Variants in ATF7IP2 observed in about 807,000 individuals in gnomAD.
The protein encoded by ATF7IP2 is activating transcription factor 7 interacting protein 2.
In ATF7IP2, 42 loss-of-function variants were observed where a neutral mutation model predicts 64.2. The ratio of observed to expected loss-of-function variants is 0.65; its 90% CI spans 0.51 to 0.85. The LOEUF is 0.85. ATF7IP2 is among the 40% of genes least tolerant of loss of function. The pLI is 0.00. For synonymous variants in ATF7IP2, 308 were observed against 272.8 expected (o/e 1.13, Z -1.27); for missense variants, 933 against 784.2 (o/e 1.19, Z -2.27).
chr16:10,466,491 A>G (rs1304773459), intron 9 of ATF7IP2, among the ~76,000 whole-genome samples: 1 of 152,068 alleles, frequency 6.6e-6, no homozygotes, highest in Non-Finnish European at 1.5e-5. Context: ...CTCCCACTAT[A>G]AGTACATGAG....
chr16:10,451,787 ACTGG>A (rs2048993355), intron 8 of ATF7IP2, among the ~76,000 whole-genome samples: 1 of 151,888 alleles, frequency 6.6e-6, no homozygotes, highest in East Asian at 1.9e-4. Context: ...GGCTGGGTAC[ACTGG>A]CTCACACCTG....
intron 8 of ATF7IP2, chr16:10,449,643 G>C (rs2048921221): frequency 6.6e-6 from 1 of 152,202 alleles, no homozygotes; most frequent in South Asian, 2.1e-4. Flanking sequence ...TGTGGGATCA[G>C]TGGTGATATC....
At chr16:10,455,033 G>A (rs1360973194) in intron 8 of ATF7IP2, among the ~76,000 whole-genome samples, 2 of 152,246 alleles carry the variant, frequency 1.3e-5, no homozygotes, top group South Asian at 4.2e-4. Context: ...GTAATGTTCT[G>A]TAAATGTCAT....
At chr16:10,440,676 G>A (rs1033038499) in intron 8 of ATF7IP2, among the ~76,000 whole-genome samples, 1 of 152,194 alleles carries the variant, frequency 6.6e-6, no homozygotes, top group African/African-American at 2.4e-5. Context: ...AAAGAGGATT[G>A]GTGATTGCCA....
chr16:10,453,002 G>A (rs1287645926), intron 8 of ATF7IP2, among the ~76,000 whole-genome samples: 1 of 152,150 alleles, frequency 6.6e-6, no homozygotes, highest in African/African-American at 2.4e-5. Context: ...CAAGCCAGTG[G>A]ATCTTAGCTA....
intron 1 of ATF7IP2, among the ~76,000 whole-genome samples, chr16:10,408,615 T>C (rs532777006): frequency 2.0e-5 from 3 of 152,244 alleles, no homozygotes; most frequent in Non-Finnish European, 4.4e-5. Flanking sequence ...TTCATATGTT[T>C]GTTGGCCATT....
chr16:10,467,167 G>A (rs945290925), intron 9 of ATF7IP2, among the ~76,000 whole-genome samples: 1 of 152,114 alleles, frequency 6.6e-6, no homozygotes. Context: ...CTAAGACATA[G>A]CCTACCATGG....
At chr16:10,409,653 C>G (rs1305844703) in intron 1 of ATF7IP2, among the ~76,000 whole-genome samples, 1 of 152,192 alleles carries the variant, frequency 6.6e-6, no homozygotes, top group Non-Finnish European at 1.5e-5. Context: ...TCTCGATCTC[C>G]TGACCTCATG....
At chr16:10,442,969 A>T (rs574051784) in intron 8 of ATF7IP2, among the ~76,000 whole-genome samples, 1 of 152,192 alleles carries the variant, frequency 6.6e-6, no homozygotes. Context: ...TGGGACTCCA[A>T]TGGCATCTAT....
chr16:10,475,722 G>GAAAAAAAAAAAAAAAAAAAAAAAGAA (rs386384218), intron 12 of ATF7IP2, among the ~76,000 whole-genome samples: 1 of 41,644 alleles, frequency 2.4e-5, no homozygotes, highest in East Asian at 8.0e-4. Flanking sequence ...TAAGAAGCCA[G>GAAAAAAAAAAAAAAAAAAAAAAAGAA]AAAAAAAAAA....
intron 8 of ATF7IP2, among the ~76,000 whole-genome samples, chr16:10,443,787 C>T (rs1214042474): frequency 6.6e-6 from 1 of 152,074 alleles, no homozygotes; most frequent in Non-Finnish European, 1.5e-5. Flanking sequence ...ACCATAGAGA[C>T]AGCCTAAGGT....
chr16:10,477,121 A>T (rs1219571336), intron 12 of ATF7IP2, among the ~76,000 whole-genome samples: 1 of 152,246 alleles, frequency 6.6e-6, no homozygotes, highest in Non-Finnish European at 1.5e-5. Flanking sequence ...AAGAGCCTGT[A>T]TACAGCAGAA....
chr16:10,440,160 C>CA (rs954063207), intron 7 of ATF7IP2, among the ~76,000 whole-genome samples: 1 of 150,798 alleles, frequency 6.6e-6, no homozygotes, highest in African/African-American at 2.4e-5. Flanking sequence ...AACTCCATCT[C>CA]AAAAAAAAAT....
At chr16:10,391,323 A>C (rs2047318011) in intron 1 of ATF7IP2, among the ~76,000 whole-genome samples, 1 of 151,984 alleles carries the variant, frequency 6.6e-6, no homozygotes, top group Non-Finnish European at 1.5e-5. Context: ...CAGGAGGCTG[A>C]GATGGGAGAA....
intron 9 of ATF7IP2, among the ~76,000 whole-genome samples, chr16:10,458,784 A>C (rs1266221192): frequency 6.6e-6 from 1 of 152,246 alleles, no homozygotes; most frequent in Non-Finnish European, 1.5e-5. Context: ...AGCCTGCTTT[A>C]AACCACAAAA....
rs2050313101 is a variant in ATF7IP2 at position 10,483,544 on chromosome 16, A to G, written c.*1295A>G. ...GGGCATTCTTTTCTGGTACATGGTG[A>G]GAGTTCAGGCTCCAGAGACTCAAAA... is the stretch of plus-strand genomic sequence containing the variant. On this transcript the variant is annotated 3_prime_UTR_variant, in exon 14 of 14. Coordinates refer to ENST00000562102, the MANE Select transcript of ATF7IP2 (RefSeq NM_001393719.1). 6.6e-6 allele frequency: 1 copy of G among 152,192 alleles called. No individual in the cohort carries two copies. The highest frequency in any genetic ancestry group is 2.1e-4 in the South Asian group (1 of 4,832). 9.4% of individuals were successfully genotyped at this position (152,192 alleles called of 1,614,324 possible).
At chr16:10,458,354 A>G (rs1040369452) in intron 9 of ATF7IP2, among the ~76,000 whole-genome samples, 1 of 152,260 alleles carries the variant, frequency 6.6e-6, no homozygotes, top group Non-Finnish European at 1.5e-5. Context: ...TGCATGTGCT[A>G]AAACTCATGA....
intron 3 of ATF7IP2, among the ~76,000 whole-genome samples, chr16:10,427,741 C>G (rs950833306): frequency 1.1e-4 from 16 of 151,740 alleles, no homozygotes; most frequent in Non-Finnish European, 2.2e-4. Flanking sequence ...TGCCTGTAAT[C>G]CCAGCCTCTT....
chr16:10,406,270 C>CT (rs902632667), intron 1 of ATF7IP2, among the ~76,000 whole-genome samples: 12 of 152,070 alleles, frequency 7.9e-5, no homozygotes, highest in African/African-American at 2.2e-4. Flanking sequence ...CCACCCTTAA[C>CT]TAATTTTTTA....
Sources: gnomAD v4.1 joint callset for allele counts (sites outside exome capture counted in the v4.1 genomes callset) on GRCh38, gnomAD v4.1.1 for gene constraint, MANE v1.5 for transcripts, NCBI Gene and HGNC (gene_info 2026-07-23, HGNC 2026-07-21) for gene names.